COL28A1: variants seen among roughly 807,000 people sequenced by gnomAD.
The protein encoded by COL28A1 is collagen alpha-1(XXVIII) chain.
COL28A1 carries 161 observed loss-of-function variants against 150.2 expected under a neutral mutation model. The ratio of observed to expected loss-of-function variants is 1.07; its 90% CI spans 0.94 to 1.22. The LOEUF is 1.22. Ranked by LOEUF, COL28A1 falls within the 50% of genes most tolerant of loss-of-function variation. The pLI, the probability that COL28A1 is intolerant of heterozygous loss-of-function variation, is 0.00. For synonymous variants in COL28A1, 552 were observed against 469.7 expected, an observed-to-expected ratio of 1.18 and a Z score of -2.26; for missense variants, 1,617 against 1,388.3, an observed-to-expected ratio of 1.16 and a Z score of -2.62.
chr7:7,380,936 G>C, intron 28 of COL28A1, 74 bp from the exon 29 acceptor site: 1 of 1,316,716 alleles, frequency 7.6e-7, no homozygotes. Context: ...TCTATAATTT[G>C]GTTATCTGCA....
At chr7:7,374,403 A>G (rs1583238148) in intron 31 of COL28A1, among the ~76,000 whole-genome samples, 1 of 152,288 alleles carries the variant, frequency 6.6e-6, no homozygotes, top group East Asian at 1.9e-4. Context: ...AGGAACAGCT[A>G]TCCCTAACTA....
intron 20 of COL28A1, 115 bp from the exon 21 acceptor site, chr7:7,440,976 T>A: frequency 1.7e-6 from 1 of 588,766 alleles, no homozygotes; most frequent in Non-Finnish European, 3.1e-6. Context: ...TAAAGTGGTG[T>A]GCCCTGAGCA....
At chr7:7,474,693 C>G (rs759029305) in intron 14 of COL28A1, 24 bp from the exon 15 acceptor site, 7 of 992,880 alleles carry the variant, frequency 7.1e-6, no homozygotes, top group Non-Finnish European at 1.1e-5. Flanking sequence ...GGAGGGATAT[C>G]AATGCACCAA....
Position 7,358,406 on chromosome 7 carries a change from A to G in COL28A1, c.*227T>C. 2.4e-6 allele frequency: 1 copy of G among 423,074 alleles called. No individual in the cohort carries two copies. Among genetic ancestry groups the G allele is most frequent in the East Asian group, 4.1e-5 (1 of 24,648 alleles). 26.2% of individuals were successfully genotyped at this position (423,074 alleles called of 1,614,324 possible). A position where few individuals can be genotyped will look rare whatever the true frequency, so the allele number is the denominator to read the frequency against. On this transcript the variant is annotated 3_prime_UTR_variant, in exon 35 of 35. Transcript: ENST00000399429. Reference sequence around the variant, plus strand: ...TAAATCCTCAGCTCTGAAACTTTTTAGTTGGGTGACAGTTGACAAGTTACT... The same window carrying G: ...TAAATCCTCAGCTCTGAAACTTTTTGGTTGGGTGACAGTTGACAAGTTACT...
At chr7:7,436,324 A>C (rs1295957895) in intron 23 of COL28A1, 71 bp downstream of exon 23, 1 of 853,102 alleles carries the variant, frequency 1.2e-6, no homozygotes. Flanking sequence ...TAGAAAAATC[A>C]ACTTATGCAT....
At chr7:7,416,692 G>T (rs1784093955) in intron 27 of COL28A1, among the ~76,000 whole-genome samples, 1 of 152,214 alleles carries the variant, frequency 6.6e-6, no homozygotes, top group Non-Finnish European at 1.5e-5. Flanking sequence ...CTCAGCCCGA[G>T]AGATGAACAA....
In COL28A1 at chr7:7,506,045, T is replaced by G. The variant is rs765567562; in HGVS notation, c.995A>C (p.Asp332Ala). The G allele has an allele frequency of 2.7e-6, 4 of 1,473,528 alleles. No individual in the cohort carries two copies. The African/African-American group carries it at 5.5e-5, about 20-fold the overall frequency. The allele number at this position is 1,473,528 out of a possible 1,614,324, so 91.3% of individuals were successfully genotyped here. A position where few individuals can be genotyped will look rare whatever the true frequency, so the allele number is the denominator to read the frequency against. The change falls in exon 11 of 35, where the codon GAC (aspartate) becomes GCC (alanine). Residue 332 changes from aspartate to alanine, a missense_variant. By Grantham distance (126) the Asp-to-Ala change is moderately radical. Transcript: ENST00000399429. ...GIQGITGPPG[D>A]PGPKGFQGNK... is the part of the protein sequence containing the mutation. ...GCCTTGAAACCCCTTTGGGCCTGGG[T>G]CTCCTGGAGGTCCAGTAATTCCCTG...
chr7:7,543,466 C>A, the COL28A1 span, among the ~76,000 whole-genome samples: 30 of 152,244 alleles, frequency 2.0e-4, 1 homozygote, highest in South Asian at 4.6e-3. Context: ...CCATCACTTT[C>A]TTTGGCCTAG....
At chr7:7,379,619 G>A (rs769921131) in intron 30 of COL28A1, among the ~76,000 whole-genome samples, 5 of 152,288 alleles carry the variant, frequency 3.3e-5, no homozygotes, top group African/African-American at 7.2e-5. Context: ...CTGATCCAGA[G>A]TAAGGTTTAC....
chr7:7,372,022 G>A (rs1215861819), intron 32 of COL28A1, among the ~76,000 whole-genome samples: 3 of 151,896 alleles, frequency 2.0e-5, no homozygotes, highest in South Asian at 2.1e-4. Flanking sequence ...TAGTAGAGAC[G>A]AGGTTTCACC....
chr7:7,388,857 T>G (rs1340967567), intron 27 of COL28A1, among the ~76,000 whole-genome samples: 1 of 152,216 alleles, frequency 6.6e-6, no homozygotes, highest in African/African-American at 2.4e-5. Context: ...GGTTGTTTTT[T>G]TCTTGTAAAT....
chr7:7,495,121 A>T (rs73352229), intron 11 of COL28A1, among the ~76,000 whole-genome samples: 21,973 of 152,168 alleles, frequency 0.14, 1,663 homozygotes, highest in East Asian at 0.21. Flanking sequence ...ATTAAGAAAT[A>T]AAAAAACAGG....
intron 11 of COL28A1, among the ~76,000 whole-genome samples, chr7:7,491,050 C>A (rs1426014679): frequency 6.6e-6 from 1 of 152,174 alleles, no homozygotes; most frequent in Non-Finnish European, 1.5e-5. Context: ...CATAACGCAG[C>A]CATCACTCAT....
At chr7:7,377,620 TGACAAGAAATGTTGGA>T (rs1781629798) in intron 30 of COL28A1, among the ~76,000 whole-genome samples, 4 of 152,038 alleles carry the variant, frequency 2.6e-5, no homozygotes, top group Admixed American at 2.6e-4. Context: ...GCAGAAACAA[TGACAAGAAATGTTGGA>T]GACAGATGGA....
chr7:7,382,433 T>A (rs896407611), intron 27 of COL28A1, among the ~76,000 whole-genome samples: 2 of 152,162 alleles, frequency 1.3e-5, no homozygotes, highest in African/African-American at 4.8e-5. Flanking sequence ...TAGTTCCATC[T>A]CTCATAATTT....
chr7:7,380,525 C>T (rs1781813712), intron 30 of COL28A1, 135 bp downstream of exon 30: 2 of 718,372 alleles, frequency 2.8e-6, no homozygotes, highest in Non-Finnish European at 2.4e-6. Context: ...CAACACTGGG[C>T]TGGTAGTAGT....
chr7:7,522,837 G>A (rs1016049921), intron 4 of COL28A1, among the ~76,000 whole-genome samples: 79 of 70,994 alleles, frequency 1.1e-3, no homozygotes, highest in African/African-American at 4.6e-3. Flanking sequence ...AAAAAAAAAA[G>A]GGCCGTGCAT....
At chr7:7,423,263 T>C (rs748083359) in intron 25 of COL28A1, among the ~76,000 whole-genome samples, 11 of 152,186 alleles carry the variant, frequency 7.2e-5, no homozygotes, top group Admixed American at 2.6e-4. Flanking sequence ...GTGTTGATAA[T>C]TGTTAAGGAA....
intron 3 of COL28A1, among the ~76,000 whole-genome samples, chr7:7,530,639 G>A (rs986289311): frequency 3.4e-4 from 51 of 152,186 alleles, no homozygotes; most frequent in African/African-American, 1.2e-3. Flanking sequence ...TTGTGGTGCC[G>A]TGTGTTTTAC....
Sources: gnomAD v4.1 joint callset for allele counts (sites outside exome capture counted in the v4.1 genomes callset) on GRCh38, gnomAD v4.1.1 for gene constraint, MANE v1.5 for transcripts, NCBI Gene and HGNC (gene_info 2026-07-23, HGNC 2026-07-21) for gene names.